The following SINHCAF variants were observed in gnomAD, a reference collection of about 807,000 sequenced individuals.
SINHCAF encodes the protein SIN3-HDAC complex associated factor.
Under a neutral mutation model 25.8 loss-of-function variants are expected in SINHCAF, and 3 were observed. That is an observed-to-expected ratio of 0.12 (90% CI 0.05 to 0.30). The LOEUF (loss-of-function observed/expected upper bound fraction) is 0.30, where lower values mean the gene tolerates loss of function less well. Among genes scored for constraint, SINHCAF ranks in the 10% least tolerant of loss-of-function variants. The pLI, the probability that SINHCAF is intolerant of heterozygous loss-of-function variation, is 1.00. For synonymous variants in SINHCAF, 70 were observed against 85.5 expected, an observed-to-expected ratio of 0.82 and a Z score of 1.00; for missense variants, 121 against 262.3, an observed-to-expected ratio of 0.46 and a Z score of 3.72.
chr12:31,307,633 G>A (rs537520788), intron 1 of SINHCAF, among the ~76,000 whole-genome samples: 68 of 152,190 alleles, frequency 4.5e-4, no homozygotes, highest in African/African-American at 1.6e-3. Context: ...ATAAAATTAA[G>A]ACCTAATAGG....
chr12:31,324,026 G>A lies in SINHCAF; in HGVS notation c.-21+1998C>T, dbSNP rs1459548366. On this transcript the variant is annotated intron_variant, in intron 1 of 5. Coordinates refer to ENST00000337682, the MANE Select transcript of SINHCAF (RefSeq NM_001135812.2). The surrounding 1 kb of genome is among the most constrained non-coding windows in gnomAD (Gnocchi z 5.5). ...AGCCAGCAAGTAAGAATGCTCCCTG[G>A]TGGATTTGTTGGTAAATAAGACATC... is the stretch of plus-strand genomic sequence containing the variant. 1 of 455,412 alleles carries A rather than the reference G, an allele frequency of 2.2e-6. No homozygotes were observed. The highest frequency in any genetic ancestry group is 4.4e-6 in the Non-Finnish European group (1 of 226,812). The allele number at this position is 455,412 out of a possible 1,614,324, so 28.2% of individuals were successfully genotyped here.
intron 1 of SINHCAF, among the ~76,000 whole-genome samples, chr12:31,307,960 A>C (rs74420418): frequency 0.067 from 10,210 of 152,170 alleles, 519 homozygotes; most frequent in Non-Finnish European, 0.11. Context: ...TTTTAAAAAA[A>C]AACAACAACA....
chr12:31,294,149 G>T (rs1440361865), intron 3 of SINHCAF, among the ~76,000 whole-genome samples: 1 of 152,062 alleles, frequency 6.6e-6, no homozygotes, highest in Non-Finnish European at 1.5e-5. Flanking sequence ...GTAATAGTGG[G>T]AGTCTATTGG....
intron 1 of SINHCAF, chr12:31,305,061 C>G (rs1938965169): frequency 2.0e-5 from 3 of 152,212 alleles, no homozygotes; most frequent in Admixed American, 6.5e-5. Context: ...AGGGTTGAAG[C>G]TGTTTGGTGA....
chr12:31,298,054 G>A (rs758918235), intron 2 of SINHCAF, 23 bp downstream of exon 2: 2 of 1,610,920 alleles, frequency 1.2e-6, no homozygotes, highest in South Asian at 1.1e-5. Flanking sequence ...TCTAAGAATA[G>A]TACAAACATC....
At chr12:31,288,999 T>G (rs970215208) in intron 4 of SINHCAF, among the ~76,000 whole-genome samples, 2 of 151,594 alleles carry the variant, frequency 1.3e-5, no homozygotes, top group African/African-American at 4.9e-5. Context: ...AATGGAAAAT[T>G]TGTAACTGAA....
chr12:31,323,716 A>G (rs1272921449), intron 1 of SINHCAF, among the ~76,000 whole-genome samples: 2 of 151,448 alleles, frequency 1.3e-5, no homozygotes, highest in Non-Finnish European at 2.9e-5. Context: ...AGAAACACAC[A>G]AAGAAACTGG....
At chr12:31,306,738 C>T (rs975939087) in intron 1 of SINHCAF, among the ~76,000 whole-genome samples, 1 of 152,180 alleles carries the variant, frequency 6.6e-6, no homozygotes, top group Non-Finnish European at 1.5e-5. Flanking sequence ...AAGACTAGTC[C>T]ATTTTTTTAC....
In SINHCAF at chr12:31,293,785, T is replaced by C. The variant is rs375072629; in HGVS notation, c.355+20A>G. The C allele has an allele frequency of 2.5e-6, 4 of 1,592,052 alleles. No homozygotes were observed. The highest frequency in any genetic ancestry group is 2.6e-6 in the Non-Finnish European group (3 of 1,172,426). ...TAACAAAACAATTATTAAGTACTAATGTTGTAATATCAAACTTACTATGAC... is the reference window on the plus strand; with the variant it reads ...TAACAAAACAATTATTAAGTACTAACGTTGTAATATCAAACTTACTATGAC... On this transcript the variant is annotated intron_variant, in intron 4 of 5. Transcript: ENST00000337682.
Position 31,299,320 on chromosome 12 carries a change from A to ATCAT in SINHCAF, c.-20-1097_-20-1096insATGA, listed in dbSNP as rs1555113699. Among the ~76,000 whole-genome samples, 122 of 133,900 alleles carry ATCAT rather than the reference A, an allele frequency of 9.1e-4. 2 individuals carry two copies. The highest frequency in any genetic ancestry group is 3.7e-3 in the African/African-American group (119 of 32,148). The allele number at this position is 133,900 out of a possible 152,430, so 87.8% of individuals were successfully genotyped here. ...CATAAAGCAACAATAAAAGAAAAAAATTTTTTTTTTTTTGGAGACAGAGTC... is the reference window on the plus strand; with the variant it reads ...CATAAAGCAACAATAAAAGAAAAAAATCATTTTTTTTTTTTTTGGAGACAGAGTC... On this transcript the variant is annotated intron_variant, in intron 1 of 5. Transcript: ENST00000337682.
intron 5 of SINHCAF, among the ~76,000 whole-genome samples, chr12:31,283,471 C>T (rs778432527): frequency 6.6e-6 from 1 of 151,978 alleles, no homozygotes; most frequent in African/African-American, 2.4e-5. Flanking sequence ...GGCGTGGTGG[C>T]ACGTGCCTGT....
intron 1 of SINHCAF, among the ~76,000 whole-genome samples, chr12:31,306,068 G>C (rs900473707): frequency 6.6e-6 from 1 of 152,160 alleles, no homozygotes; most frequent in Middle Eastern, 3.2e-3. Flanking sequence ...AGTTCAAAAG[G>C]GGACTCCCCA....
At chr12:31,307,785 T>C (rs137908620) in intron 1 of SINHCAF, among the ~76,000 whole-genome samples, 58 of 152,250 alleles carry the variant, frequency 3.8e-4, no homozygotes, top group Non-Finnish European at 6.5e-4. Flanking sequence ...ATAGCTGATA[T>C]TGCCCTCATA....
chr12:31,317,684 TAAA>T (rs2137133330), intron 1 of SINHCAF, among the ~76,000 whole-genome samples: 1 of 151,826 alleles, frequency 6.6e-6, no homozygotes, highest in East Asian at 1.9e-4. Context: ...AAGAGTAATC[TAAA>T]AAAGCACAGA....
Position 31,298,057 on chromosome 12 carries a change from C to T in SINHCAF, c.128+20G>A, listed in dbSNP as rs377611968. The T allele has an allele frequency of 5.0e-6, 8 of 1,611,712 alleles. No homozygotes were observed. The highest frequency in any genetic ancestry group is 1.3e-5 in the African/African-American group (1 of 74,850). On this transcript the variant is annotated intron_variant, in intron 2 of 5. Coordinates refer to ENST00000337682, the MANE Select transcript of SINHCAF (RefSeq NM_001135812.2). Reference sequence around the variant, plus strand: ...GTATTTTTTCACTCTAAGAATAGTACAAACATCAGGTGATCTTACCCAAAA... The same window carrying T: ...GTATTTTTTCACTCTAAGAATAGTATAAACATCAGGTGATCTTACCCAAAA...
rs1278143921 is a variant in SINHCAF at position 31,311,685 on chromosome 12, G to A, written c.-20-13461C>T. 6.3e-6 allele frequency: 3 copies of A among 475,768 alleles called. No homozygotes were observed. In the East Asian group the frequency reaches 1.4e-4, roughly 23 times the overall value. 29.5% of individuals were successfully genotyped at this position (475,768 alleles called of 1,614,324 possible). A position where few individuals can be genotyped will look rare whatever the true frequency, so the allele number is the denominator to read the frequency against. ...CTGAGCTTATAACAATATTTTTGAA[G>A]TATGCAAGCATTGAGAAAAATGGTG... On this transcript the variant is annotated intron_variant, in intron 1 of 5. Transcript: ENST00000337682.
chr12:31,310,072 G>A (rs1480321748), intron 1 of SINHCAF, among the ~76,000 whole-genome samples: 1 of 152,158 alleles, frequency 6.6e-6, no homozygotes, highest in Non-Finnish European at 1.5e-5. Context: ...TGAGCATTAT[G>A]GATGTCGTGG....
intron 1 of SINHCAF, among the ~76,000 whole-genome samples, chr12:31,308,850 AG>A (rs1177462216): frequency 2.0e-5 from 3 of 152,118 alleles, no homozygotes; most frequent in African/African-American, 7.2e-5. Flanking sequence ...CGTCAGGGAC[AG>A]GCACAGTGGC....
At chr12:31,306,567 G>A (rs904142179) in intron 1 of SINHCAF, among the ~76,000 whole-genome samples, 6 of 152,116 alleles carry the variant, frequency 3.9e-5, no homozygotes, top group African/African-American at 1.4e-4. Flanking sequence ...TTCCTTTAGC[G>A]TAGATTTAAC....
Sources: gnomAD v4.1 joint callset for allele counts (sites outside exome capture counted in the v4.1 genomes callset) on GRCh38, gnomAD v4.1.1 for gene constraint, Gnocchi (gnomAD v3.1) non-coding constraint, MANE v1.5 for transcripts, NCBI Gene and HGNC (gene_info 2026-07-23, HGNC 2026-07-21) for gene names.